Variants in INPP4A observed in about 807,000 individuals in gnomAD.
INPP4A encodes inositol polyphosphate-4-phosphatase type I A, also known as inositol polyphosphate-4-phosphatase, type I, 107kD.
A neutral mutation model predicts 119.8 loss-of-function variants in INPP4A; 33 were observed. The observed-to-expected ratio is 0.28, with a 90% CI of 0.21 to 0.37. The LOEUF (loss-of-function observed/expected upper bound fraction) is 0.37. Ranked by LOEUF, INPP4A falls within the 10% of genes least tolerant of loss-of-function variation. The pLI, the probability that INPP4A is intolerant of heterozygous loss-of-function variation, is 1.00. For missense variants in INPP4A, 956 were observed against 1,289.9 expected, an observed-to-expected ratio of 0.74 and a Z score of 3.97; for synonymous variants, 496 against 500.7, an observed-to-expected ratio of 0.99 and a Z score of 0.12.
At chr2:98,545,718 C>T (rs1057054923) in intron 11 of INPP4A, among the ~76,000 whole-genome samples, 14 of 152,124 alleles carry the variant, frequency 9.2e-5, no homozygotes, top group Non-Finnish European at 1.5e-5. Context: ...TTTTTGAAGC[C>T]GGTTCTCCCT....
At chr2:98,585,928 T>C (rs1699902693) in intron 24 of INPP4A, among the ~76,000 whole-genome samples, 1 of 152,372 alleles carries the variant, frequency 6.6e-6, no homozygotes, top group East Asian at 1.9e-4. Context: ...TGTACATTTC[T>C]ATATAAATGG....
Position 98,586,712 on chromosome 2 carries a change from C to G in INPP4A, c.2787-764C>G, listed in dbSNP as rs115347429. Among the ~76,000 whole-genome samples the G allele has an allele frequency of 3.9e-3, 588 of 152,296 alleles. 4 individuals carry two copies. Among genetic ancestry groups the G allele is most frequent in the African/African-American group, 0.013 (551 of 41,556 alleles). Reference sequence around the variant, plus strand: ...CTCCATCAGATGCAGCTGAGGATGACGCTGGTAGTGAGTTCTCTAGGGAAG... The same window carrying G: ...CTCCATCAGATGCAGCTGAGGATGAGGCTGGTAGTGAGTTCTCTAGGGAAG... On this transcript the variant is annotated intron_variant, in intron 24 of 24. Transcript: ENST00000409851.
chr2:98,520,930 A>G (rs1048412714), intron 4 of INPP4A, 199 bp downstream of exon 4: 1 of 499,646 alleles, frequency 2.0e-6, no homozygotes, highest in African/African-American at 2.0e-5. Flanking sequence ...CTCCGTGCCC[A>G]CAGGCTCCTG....
intron 17 of INPP4A, among the ~76,000 whole-genome samples, chr2:98,561,503 AG>A (rs1414348157): frequency 6.6e-6 from 1 of 152,212 alleles, no homozygotes; most frequent in Non-Finnish European, 1.5e-5. Context: ...CCTTCTACCA[AG>A]TTCCATATCT....
chr2:98,479,152 A>G (rs1574633726), intron 1 of INPP4A, among the ~76,000 whole-genome samples: 1 of 151,990 alleles, frequency 6.6e-6, no homozygotes, highest in Non-Finnish European at 1.5e-5. Context: ...CCCACTCAAG[A>G]TATTATTCGC....
intron 1 of INPP4A, among the ~76,000 whole-genome samples, chr2:98,495,946 A>G (rs1681851755): frequency 6.6e-6 from 1 of 152,220 alleles, no homozygotes; most frequent in African/African-American, 2.4e-5. Context: ...TATGTCAAAT[A>G]AATATATTTT....
chr2:98,470,040 C>T (rs1233577726), intron 1 of INPP4A, among the ~76,000 whole-genome samples: 1 of 152,222 alleles, frequency 6.6e-6, no homozygotes, highest in Non-Finnish European at 1.5e-5. Flanking sequence ...AAAGGGCCAA[C>T]GCACGTGACC....
In INPP4A at chr2:98,538,895, T is replaced by G; in HGVS notation, c.584T>G (p.Val195Gly). ...RSVDTVNGRMVLPVDESLTEA... is the reference protein window; with the variant it reads ...RSVDTVNGRMGLPVDESLTEA... ...CATTTCCTTATACATTATCAGATGG[T>G]TCTTCCTGTCGATGAGAGCTTGACG... The change falls in exon 9 of 25, where the codon GTT becomes GGT. Residue 195 changes from valine to glycine, a missense_variant. Transcript: ENST00000409851. 6.3e-7 allele frequency: 1 copy of G among 1,596,268 alleles called. No individual in the cohort carries two copies. The highest frequency in any genetic ancestry group is 2.2e-5 in the East Asian group (1 of 44,800).
At chr2:98,447,664 T>G (rs1574431234) in intron 1 of INPP4A, among the ~76,000 whole-genome samples, 1 of 152,300 alleles carries the variant, frequency 6.6e-6, no homozygotes, top group Non-Finnish European at 1.5e-5. Flanking sequence ...TTTATCATTC[T>G]CTTGTATTCC....
chr2:98,494,521 A>G (rs1232632587), intron 1 of INPP4A, among the ~76,000 whole-genome samples: 1 of 152,126 alleles, frequency 6.6e-6, no homozygotes, highest in Non-Finnish European at 1.5e-5. Context: ...ACATTTTCCC[A>G]AGTAGGAGAG....
At chr2:98,475,595 A>C (rs1318315545) in intron 1 of INPP4A, among the ~76,000 whole-genome samples, 1 of 152,238 alleles carries the variant, frequency 6.6e-6, no homozygotes, top group Non-Finnish European at 1.5e-5. Flanking sequence ...CAGGACATTG[A>C]ACATTTACAG....
chr2:98,513,695 T>C (rs751553126), intron 1 of INPP4A, among the ~76,000 whole-genome samples: 1 of 152,224 alleles, frequency 6.6e-6, no homozygotes, highest in African/African-American at 2.4e-5. Flanking sequence ...GAGTGGAGCC[T>C]CCAGTTTGCT....
intron 1 of INPP4A, among the ~76,000 whole-genome samples, chr2:98,474,348 A>G (rs1676768958): frequency 6.6e-6 from 1 of 152,170 alleles, no homozygotes; most frequent in South Asian, 2.1e-4. Context: ...TTCTTACACA[A>G]AAGGACATCT....
At position 98,554,402 on chromosome 2, in the gene INPP4A, T is replaced by G. The variant is rs1038394888; in HGVS notation, c.1479T>G (p.Leu493=). 1.9e-6 allele frequency: 3 copies of G among 1,613,726 alleles called. No homozygotes were observed. In the African/African-American group the frequency reaches 4.0e-5, roughly 22 times the overall value. The stretch of plus-strand genomic sequence containing the variant: ...CGACTGAGGAGGAGCAGGTGATGCT[T>G]AGAAATGACCAGGACACCCTCATGG... ...PTSTEEEQVM[L]RNDQDTLMAR... The change falls in exon 15 of 25, where the codon CTT becomes CTG. Residue 493 remains leucine, a synonymous_variant. Coordinates refer to ENST00000409851, the MANE Select transcript of INPP4A (RefSeq NM_001134225.2). The surrounding 1 kb of genome is among the most constrained non-coding windows in gnomAD (Gnocchi z 4.7).
chr2:98,466,628 C>G (rs1402044930), intron 1 of INPP4A, among the ~76,000 whole-genome samples: 12 of 152,208 alleles, frequency 7.9e-5, no homozygotes, highest in Admixed American at 7.9e-4. Flanking sequence ...TTTCAGAGGT[C>G]TTTCTGTGCA....
At chr2:98,498,062 T>C (rs1354575113) in intron 1 of INPP4A, among the ~76,000 whole-genome samples, 1 of 152,182 alleles carries the variant, frequency 6.6e-6, no homozygotes, top group African/African-American at 2.4e-5. Context: ...TGAAATGAGT[T>C]AAGACTTTGG....
intron 6 of INPP4A, 64 bp from the exon 7 acceptor site, chr2:98,536,065 A>G: frequency 9.7e-7 from 1 of 1,031,256 alleles, no homozygotes; most frequent in Non-Finnish European, 1.5e-6. Context: ...CTCTGGGGCC[A>G]TGGTAATTGC....
In INPP4A at chr2:98,588,375, G is replaced by A. The variant is rs763947424; in HGVS notation, c.*767G>A. 18 of 198,796 alleles carry A rather than the reference G, an allele frequency of 9.1e-5. No individual in the cohort carries two copies. Among genetic ancestry groups the A allele is most frequent in the African/African-American group, 2.5e-4 (11 of 43,512 alleles). 12.3% of individuals were successfully genotyped at this position (198,796 alleles called of 1,614,324 possible). ...AAGCTCCCTGCCGAGGCTCCCTCACGCCCAGAGGACACATCTCCCCTTCTT... is the reference window on the plus strand; with the variant it reads ...AAGCTCCCTGCCGAGGCTCCCTCACACCCAGAGGACACATCTCCCCTTCTT... On this transcript the variant is annotated 3_prime_UTR_variant, in exon 25 of 25. Coordinates refer to ENST00000409851, the MANE Select transcript of INPP4A (RefSeq NM_001134225.2).
chr2:98,528,127 A>C (rs1688508793), intron 4 of INPP4A, among the ~76,000 whole-genome samples: 1 of 152,236 alleles, frequency 6.6e-6, no homozygotes, highest in Non-Finnish European at 1.5e-5. Flanking sequence ...CAAATAACTG[A>C]AGGAGAGTAT....
Sources: gnomAD v4.1 joint callset for allele counts (sites outside exome capture counted in the v4.1 genomes callset) on GRCh38, gnomAD v4.1.1 for gene constraint, Gnocchi (gnomAD v3.1) non-coding constraint, MANE v1.5 for transcripts, NCBI Gene and HGNC (gene_info 2026-07-23, HGNC 2026-07-21) for gene names.